Variants in MCF2L observed in about 807,000 individuals in gnomAD.
The protein encoded by MCF2L is MCF.2 cell line derived transforming sequence like.
A neutral mutation model predicts 153.4 loss-of-function variants in MCF2L; 97 were observed. The observed-to-expected ratio is 0.63, with a 90% CI of 0.54 to 0.75. The LOEUF (loss-of-function observed/expected upper bound fraction) is 0.75, where lower values mean the gene tolerates loss of function less well. Among genes scored for constraint, MCF2L ranks in the 30% least tolerant of loss-of-function variants. The pLI is 0.00. For missense variants in MCF2L, 1,347 were observed against 1,495.2 expected (o/e 0.90, Z 1.64); for synonymous variants, 659 against 632.2 (o/e 1.04, Z -0.64).
chr13:112,982,337 G>A (rs1261423217), intron 1 of MCF2L, among the ~76,000 whole-genome samples: 1 of 152,212 alleles, frequency 6.6e-6, no homozygotes, highest in Non-Finnish European at 1.5e-5. Context: ...GTGCCGTGGA[G>A]AGGACTGGAC....
At chr13:112,920,838 C>T (rs1360348630) in intron 2 of MCF2L, among the ~76,000 whole-genome samples, 1 of 152,054 alleles carries the variant, frequency 6.6e-6, no homozygotes, top group Non-Finnish European at 1.5e-5. Context: ...AAGAGCAGTG[C>T]AGCCACTCAC....
chr13:113,082,373 C>T (rs951702479), intron 16 of MCF2L, 54 bp from the exon 17 acceptor site: 6 of 1,047,944 alleles, frequency 5.7e-6, no homozygotes, highest in Admixed American at 3.4e-5. Context: ...GCCCACCTGC[C>T]CCCCCACAGC....
At chr13:112,936,450 C>T (rs149689565) in intron 2 of MCF2L, among the ~76,000 whole-genome samples, 2 of 152,068 alleles carry the variant, frequency 1.3e-5, no homozygotes, top group Non-Finnish European at 2.9e-5. Flanking sequence ...CACCCTCTGC[C>T]GTCTAATGCA....
At chr13:113,072,332 C>G (rs373293362) in intron 9 of MCF2L, among the ~76,000 whole-genome samples, 6 of 152,312 alleles carry the variant, frequency 3.9e-5, no homozygotes, top group East Asian at 3.9e-4. Flanking sequence ...TTCTACCCCC[C>G]ACCCACAACA....
chr13:113,062,303 G>A (rs2141795027), intron 5 of MCF2L, among the ~76,000 whole-genome samples: 1 of 152,228 alleles, frequency 6.6e-6, no homozygotes, highest in East Asian at 1.9e-4. Context: ...TCTCGTGATG[G>A]CGTGTGCAGC....
chr13:113,091,329 C>A (rs755521591), intron 26 of MCF2L: 1 of 682,970 alleles, frequency 1.5e-6, no homozygotes. Flanking sequence ...GGCAGACACG[C>A]GGTTGTGTTC....
chr13:112,938,425 G>A (rs2081544436), intron 2 of MCF2L, among the ~76,000 whole-genome samples: 1 of 152,104 alleles, frequency 6.6e-6, no homozygotes, highest in South Asian at 2.1e-4. Flanking sequence ...TCAGTAAGTG[G>A]CCTCTTGGGG....
chr13:113,060,819 G>A (rs2031272278), intron 5 of MCF2L, 107 bp downstream of exon 5: 8 of 1,486,284 alleles, frequency 5.4e-6, no homozygotes, highest in Admixed American at 3.7e-5. Context: ...AGGGCCACAC[G>A]GTCAACAAAA....
intron 2 of MCF2L, among the ~76,000 whole-genome samples, chr13:112,963,901 G>A (rs917919360): frequency 6.6e-6 from 1 of 152,212 alleles, no homozygotes; most frequent in Non-Finnish European, 1.5e-5. Flanking sequence ...GCACGGCCAC[G>A]CCAACCACCC....
intron 26 of MCF2L, chr13:113,090,060 C>T: frequency 1.9e-6 from 3 of 1,567,112 alleles, no homozygotes; most frequent in Non-Finnish European, 2.6e-6. Flanking sequence ...CTTTCTCTTC[C>T]TTCATAGATG....
intron 3 of MCF2L, chr13:113,024,990 G>C (rs2141288739): frequency 7.9e-6 from 3 of 381,832 alleles, no homozygotes; most frequent in African/African-American, 4.9e-5. Context: ...CATCATGGTG[G>C]GGTCCCCGTG....
intron 12 of MCF2L, among the ~76,000 whole-genome samples, chr13:113,076,737 G>A (rs2033520773): frequency 6.6e-6 from 1 of 152,268 alleles, no homozygotes; most frequent in East Asian, 1.9e-4. Context: ...GGAAGGGCCT[G>A]GCCCTGGGAC....
chr13:112,934,555 ATGC>A lies in MCF2L; in HGVS notation c.169+32208_169+32210del, dbSNP rs61222550. The stretch of plus-strand genomic sequence containing the variant: ...CCAAGAGTGTGCAGATTTCCAGGGG[ATGC>A]TGCTGCTGCTGCTGCTGCTGCTGGT... On this transcript the variant is annotated intron_variant, in intron 2 of 29. Coordinates refer to the MCF2L transcript ENST00000375608. 2.5e-3 allele frequency among the ~76,000 whole-genome samples: 366 copies of A among 147,458 alleles called. 3 individuals are homozygous for A. Among genetic ancestry groups the A allele is most frequent in the East Asian group, 9.0e-3 (44 of 4,908 alleles).
chr13:112,993,597 A>G lies in MCF2L; in HGVS notation c.80-21166A>G, dbSNP rs1260340659. 6.6e-6 allele frequency among the ~76,000 whole-genome samples: 1 copy of G among 152,028 alleles called. No homozygotes were observed. The highest frequency in any genetic ancestry group is 2.4e-5 in the African/African-American group (1 of 41,388). On this transcript the variant is annotated intron_variant, in intron 1 of 29. Transcript: ENST00000535094. This position sits in a 1 kb window ranked among gnomAD's most constrained non-coding sequence, Gnocchi z 4.6. Reference sequence around the variant, plus strand: ...GGTGCCTGGAGAGAGGTTTCAGGGCAGGAGGGACGGGGCTTAGGGATGTTT... The same window carrying G: ...GGTGCCTGGAGAGAGGTTTCAGGGCGGGAGGGACGGGGCTTAGGGATGTTT...
At chr13:113,016,559 G>A (rs568355252) in intron 2 of MCF2L, among the ~76,000 whole-genome samples, 68 of 152,278 alleles carry the variant, frequency 4.5e-4, no homozygotes, top group African/African-American at 1.6e-3. Flanking sequence ...CAAAGCCTCC[G>A]TCGGCTCCTC....
chr13:112,917,326 A>G, intron 2 of MCF2L: 1 of 372,840 alleles, frequency 2.7e-6, no homozygotes, highest in Non-Finnish European at 5.3e-6. Flanking sequence ...TCCTTTGGCC[A>G]GAAACCCCAT....
At chr13:113,087,595 A>G (rs2034756469) in intron 22 of MCF2L, 112 bp from the exon 23 acceptor site, 7 of 1,143,252 alleles carry the variant, frequency 6.1e-6, no homozygotes, top group Non-Finnish European at 3.8e-6. Context: ...TGCCATTCTT[A>G]GCCCTCACCC....
At chr13:112,984,240 CTT>C (rs979590878) in intron 1 of MCF2L, among the ~76,000 whole-genome samples, 2 of 146,874 alleles carry the variant, frequency 1.4e-5, no homozygotes. Flanking sequence ...AGAAATTCTC[CTT>C]TTTTTTTTTT....
intron 1 of MCF2L, among the ~76,000 whole-genome samples, chr13:113,007,336 G>A (rs550505946): frequency 5.3e-5 from 8 of 152,330 alleles, no homozygotes; most frequent in African/African-American, 1.9e-4. Flanking sequence ...CCCTCCTGGT[G>A]CCCCTGGCTC....
Sources: allele counts gnomAD v4.1 joint callset (sites outside exome capture counted in the v4.1 genomes callset), GRCh38; gene constraint gnomAD v4.1.1; non-coding constraint Gnocchi (gnomAD v3.1); transcripts MANE v1.5; gene names NCBI Gene and HGNC (gene_info 2026-07-23, HGNC 2026-07-21).